THEMIS: variants seen among roughly 807,000 people sequenced by gnomAD.
THEMIS encodes the protein protein THEMIS.
A neutral mutation model predicts 52.6 loss-of-function variants in THEMIS; 37 were observed. That is an observed-to-expected ratio of 0.70 (90% CI 0.54 to 0.93). THEMIS has a LOEUF of 0.93. Ranked by LOEUF, THEMIS falls within the 40% of genes least tolerant of loss-of-function variation. The pLI is 0.00. For synonymous variants in THEMIS, 292 were observed against 272.7 expected (o/e 1.07, Z -0.70); for missense variants, 808 against 763.1 (o/e 1.06, Z -0.69).
intron 3 of THEMIS, among the ~76,000 whole-genome samples, chr6:127,818,534 A>T (rs1256089699): frequency 1.3e-5 from 2 of 151,956 alleles, no homozygotes; most frequent in Non-Finnish European, 2.9e-5. Flanking sequence ...TATCAAGTTA[A>T]GACAATTTAT....
At chr6:127,769,352 G>GTTTTTTTTTTTTTT (rs200806423) in intron 4 of THEMIS, among the ~76,000 whole-genome samples, 1 of 139,984 alleles carries the variant, frequency 7.1e-6, no homozygotes. Context: ...GTTTTTTTTT[G>GTTTTTTTTTTTTTT]TTTTTTTTTT....
chr6:127,833,660 CAAT>C (rs1778777298), intron 2 of THEMIS, among the ~76,000 whole-genome samples: 4 of 152,110 alleles, frequency 2.6e-5, no homozygotes, highest in Admixed American at 2.0e-4. Context: ...GTGAGAAGAA[CAAT>C]AATAATCTCT....
Position 127,709,839 on chromosome 6 carries a change from T to G in THEMIS, c.*146A>C, listed in dbSNP as rs1190729618. ...TTCTGTAAGTTTTATCTGTTAAAAG[T>G]TTTAAGGTTGTTCTTTCCTTTGCAG... On this transcript the variant is annotated 3_prime_UTR_variant, in exon 6 of 6. Transcript: ENST00000368248. The G allele has an allele frequency of 1.5e-6, 1 of 673,010 alleles. No individual in the cohort carries two copies. The highest frequency in any genetic ancestry group is 3.3e-5 in the Admixed American group (1 of 30,150). 41.7% of individuals were successfully genotyped at this position (673,010 alleles called of 1,614,324 possible).
In THEMIS at chr6:127,883,124, C is replaced by A. The variant is rs567645779; in HGVS notation, c.91+17718G>T. ...TAGTTACTACTAGTGATTTCTTATG[C>A]ATGTTTACTTCAACAACTAAATTTG... On this transcript the variant is annotated intron_variant, in intron 1 of 5. Transcript: ENST00000368248. Among the ~76,000 whole-genome samples, 4 of 152,012 alleles carry A rather than the reference C, an allele frequency of 2.6e-5. No homozygotes were observed. The East Asian group carries it at 7.7e-4, about 29-fold the overall frequency.
intron 1 of THEMIS, among the ~76,000 whole-genome samples, chr6:127,855,468 A>ATGGT (rs1779588379): frequency 6.6e-6 from 1 of 151,938 alleles, no homozygotes; most frequent in Non-Finnish European, 1.5e-5. Flanking sequence ...TACCATGGTC[A>ATGGT]AACTACAAAC....
chr6:127,742,903 T>C (rs1775259191), intron 4 of THEMIS, among the ~76,000 whole-genome samples: 1 of 152,180 alleles, frequency 6.6e-6, no homozygotes, highest in Non-Finnish European at 1.5e-5. Flanking sequence ...ACTGTATACC[T>C]TTAAATATTG....
At chr6:127,875,751 G>A (rs563514889) in intron 1 of THEMIS, among the ~76,000 whole-genome samples, 6 of 152,300 alleles carry the variant, frequency 3.9e-5, no homozygotes, top group Admixed American at 2.0e-4. Flanking sequence ...AAACAAAAAT[G>A]AGAGCTGCAG....
At chr6:127,748,889 C>A (rs767301978) in intron 4 of THEMIS, among the ~76,000 whole-genome samples, 6 of 151,966 alleles carry the variant, frequency 3.9e-5, no homozygotes, top group Non-Finnish European at 8.8e-5. Context: ...ATAGTGAAAG[C>A]AGCCCTGGAT....
intron 2 of THEMIS, among the ~76,000 whole-genome samples, chr6:127,848,391 G>T (rs1052965963): frequency 3.9e-5 from 6 of 151,988 alleles, no homozygotes; most frequent in African/African-American, 7.3e-5. Flanking sequence ...ACATACGTGT[G>T]CATATGTCTT....
At chr6:127,903,749 A>AAG (rs113698228), upstream of THEMIS, among the ~76,000 whole-genome samples, 2,605 of 151,758 alleles carry the variant, frequency 0.017, 83 homozygotes, top group African/African-American at 0.059. Context: ...AAAAAAAAAA[A>AAG]GCACATCCTT....
intron 4 of THEMIS, among the ~76,000 whole-genome samples, chr6:127,786,566 G>A (rs1776955249): frequency 6.6e-6 from 1 of 152,140 alleles, no homozygotes; most frequent in Non-Finnish European, 1.5e-5. Flanking sequence ...TGGTTTTCTT[G>A]AATGAGCTTT....
intron 3 of THEMIS, among the ~76,000 whole-genome samples, chr6:127,821,104 A>G (rs2114634043): frequency 6.6e-6 from 1 of 152,032 alleles, no homozygotes; most frequent in South Asian, 2.1e-4. Flanking sequence ...GATTTATAAA[A>G]TTTTAGACAA....
intron 4 of THEMIS, among the ~76,000 whole-genome samples, chr6:127,760,859 T>C (rs879419383): frequency 5.9e-5 from 9 of 152,070 alleles, no homozygotes; most frequent in Admixed American, 5.9e-4. Flanking sequence ...GAATAAAACA[T>C]ATTAGAAAAG....
At chr6:127,886,689 G>A (rs1201422726) in intron 1 of THEMIS, among the ~76,000 whole-genome samples, 1 of 152,034 alleles carries the variant, frequency 6.6e-6, no homozygotes, top group Non-Finnish European at 1.5e-5. Context: ...AACTTCTCTG[G>A]TTGAAACTAC....
intron 1 of THEMIS, among the ~76,000 whole-genome samples, chr6:127,911,997 T>A (rs369505862): frequency 6.6e-6 from 1 of 152,172 alleles, no homozygotes; most frequent in Admixed American, 6.5e-5. Context: ...GTTTTTCTCA[T>A]GGTTCACCTT....
intron 2 of THEMIS, among the ~76,000 whole-genome samples, chr6:127,849,800 A>G (rs955061229): frequency 6.6e-6 from 1 of 152,084 alleles, no homozygotes; most frequent in Non-Finnish European, 1.5e-5. Flanking sequence ...TTGGAAGATA[A>G]CATCAGAAAA....
At chr6:127,770,383 G>A (rs1444827049) in intron 4 of THEMIS, among the ~76,000 whole-genome samples, 4 of 152,182 alleles carry the variant, frequency 2.6e-5, no homozygotes, top group Admixed American at 1.3e-4. Context: ...GTGATGGTGA[G>A]CATTTTTTCA....
intron 4 of THEMIS, among the ~76,000 whole-genome samples, chr6:127,720,838 T>A (rs1774337843): frequency 6.6e-6 from 1 of 152,020 alleles, no homozygotes; most frequent in Non-Finnish European, 1.5e-5. Context: ...CCTTACGATA[T>A]GAATCCTGAA....
At position 127,710,959 on chromosome 6, in the gene THEMIS, C is replaced by T. The variant is rs372057982; in HGVS notation, c.1895-943G>A. On this transcript the variant is annotated intron_variant, in intron 5 of 5. Coordinates refer to ENST00000368248, the MANE Select transcript of THEMIS (RefSeq NM_001010923.3). ...CCTCCCTCCTTCCCTCCCTCCCTCC[C>T]TTCCTTCTTTCCTTCCTCCCTCCCT... Among the ~76,000 whole-genome samples, 140 of 141,724 alleles carry T rather than the reference C, an allele frequency of 9.9e-4. 3 individuals are homozygous for T. The highest frequency in any genetic ancestry group is 4.2e-3 in the East Asian group (21 of 4,980). 93.0% of individuals were successfully genotyped at this position (141,724 alleles called of 152,430 possible). A position where few individuals can be genotyped will look rare whatever the true frequency, so the allele number is the denominator to read the frequency against.
Sources: gnomAD v4.1 joint callset for allele counts (sites outside exome capture counted in the v4.1 genomes callset) on GRCh38, gnomAD v4.1.1 for gene constraint, MANE v1.5 for transcripts, NCBI Gene and HGNC (gene_info 2026-07-23, HGNC 2026-07-21) for gene names.